HEXD: variants seen among roughly 807,000 people sequenced by gnomAD.
The protein encoded by HEXD is N-acetyl-beta-galactosaminidase.
HEXD carries 47 observed loss-of-function variants against 54.2 expected under a neutral mutation model. The observed-to-expected ratio is 0.87, with a 90% confidence interval of 0.69 to 1.11. The LOEUF (loss-of-function observed/expected upper bound fraction) is 1.11. HEXD is among the 50% of genes least tolerant of loss of function. HEXD has a pLI of 0.00. For synonymous variants in HEXD, 293 were observed against 287.6 expected (o/e 1.02, Z -0.19); for missense variants, 576 against 649.2 (o/e 0.89, Z 1.23).
chr17:82,437,466 G>T, intron 8 of HEXD, 103 bp downstream of exon 8: 1 of 1,061,880 alleles, frequency 9.4e-7, no homozygotes, highest in Non-Finnish European at 1.3e-6. Context: ...GTTGGTCAAA[G>T]GGGAAGCAGC....
chr17:82,439,377 C>A, intron 8 of HEXD: 2 of 953,012 alleles, frequency 2.1e-6, no homozygotes, highest in South Asian at 9.7e-5. Flanking sequence ...TCCCATGGCT[C>A]CGGAGAGCAT....
intron 9 of HEXD, chr17:82,440,210 G>T (rs1473364934): frequency 7.8e-7 from 1 of 1,289,586 alleles, no homozygotes; most frequent in Non-Finnish European, 1.0e-6. Flanking sequence ...AGCTGTGTGT[G>T]TGGAAACTCG....
Position 82,420,081 on chromosome 17 carries a change from G to GA in HEXD, c.84+198_84+199insA. The GA allele has an allele frequency of 9.4e-5, 34 of 361,956 alleles. No individual in the cohort carries two copies. The Middle Eastern group carries it at 3.1e-3, about 33-fold the overall frequency. The allele number at this position is 361,956 out of a possible 1,614,324, so 22.4% of individuals were successfully genotyped here. On this transcript the variant is annotated intron_variant, in intron 2 of 12. Transcript: ENST00000327949. The stretch of plus-strand genomic sequence containing the variant: ...AAACAGAACAACCAGGATGACAAAA[G>GA]GGAAAAAAAAAAAAGACAGAGAACA...
Position 82,442,008 on chromosome 17 carries a change from T to A in HEXD, c.1253+119T>A. Reference sequence around the variant, plus strand: ...GAGCCCCTAGTTGTAAAAGGCCCTCTGGTCTCAGATGTGCAGCTGTCACCG... The same window carrying A: ...GAGCCCCTAGTTGTAAAAGGCCCTCAGGTCTCAGATGTGCAGCTGTCACCG... On this transcript the variant is annotated intron_variant, in intron 12 of 12. Transcript: ENST00000327949. This position sits in a 1 kb window ranked among gnomAD's most constrained non-coding sequence, Gnocchi z 6.8. 1 of 1,291,748 alleles carries A rather than the reference T, an allele frequency of 7.7e-7. No homozygotes were observed. The highest frequency in any genetic ancestry group is 1.1e-6 in the Non-Finnish European group (1 of 910,018). The allele number at this position is 1,291,748 out of a possible 1,614,324, so 80.0% of individuals were successfully genotyped here. A position where few individuals can be genotyped will look rare whatever the true frequency, so the allele number is the denominator to read the frequency against.
Position 82,442,430 on chromosome 17 carries a change from T to C in HEXD, c.*46T>C. On this transcript the variant is annotated 3_prime_UTR_variant, in exon 13 of 13. Coordinates refer to ENST00000327949, the MANE Select transcript of HEXD (RefSeq NM_001330542.2). This position sits in a 1 kb window ranked among gnomAD's most constrained non-coding sequence, Gnocchi z 6.8. ...GGCTCCTGCTGGAGGCTGGGGGGGC[T>C]CTGCACTGCCAAATGGCCTGGGCAA... 1.2e-6 allele frequency: 2 copies of C among 1,610,342 alleles called. No individual in the cohort carries two copies. Among genetic ancestry groups the C allele is most frequent in the Non-Finnish European group, 1.7e-6 (2 of 1,177,882 alleles).
rs9915103 is a variant in HEXD, at chr17:82,434,924, C to T, written c.448-765C>T. ...ACTTTGGGAGGCTGAGGCAGGTGGA[C>T]CACCTGAGATCAGGAGTTCAAGATC... On this transcript the variant is annotated intron_variant, in intron 5 of 12. Coordinates refer to ENST00000327949, the MANE Select transcript of HEXD (RefSeq NM_001330542.2). This position sits in a 1 kb window ranked among gnomAD's most constrained non-coding sequence, Gnocchi z 4.5. Among the ~76,000 whole-genome samples, 67,460 of 151,566 alleles carry T rather than the reference C, an allele frequency of 0.45. 16,529 individuals are homozygous for T. Among genetic ancestry groups the T allele is most frequent in the East Asian group, 0.91 (4,683 of 5,154 alleles).
intron 3 of HEXD, among the ~76,000 whole-genome samples, chr17:82,425,138 G>GGAGAAGGCTGGAGGAGGCTA (rs1339158621): frequency 6.8e-6 from 1 of 147,368 alleles, no homozygotes; most frequent in East Asian, 2.1e-4. Context: ...AGAGAAGGCT[G>GGAGAAGGCTGGAGGAGGCTA]GAGAAGGCTG....
At chr17:82,441,416 A>C in intron 11 of HEXD, 150 bp downstream of exon 11, 1 of 805,234 alleles carries the variant, frequency 1.2e-6, no homozygotes. Flanking sequence ...GGTGAGGGGC[A>C]GGTGTGGGTG....
intron 8 of HEXD, among the ~76,000 whole-genome samples, chr17:82,438,492 C>T (rs757165965): frequency 5.9e-5 from 9 of 152,198 alleles, no homozygotes; most frequent in East Asian, 1.9e-4. Flanking sequence ...GCTGGGCCTC[C>T]GTGGCATCAC....
intron 3 of HEXD, chr17:82,427,392 T>C (rs7221438): frequency 0.63 from 95,192 of 152,120 alleles, 30,658 homozygotes; most frequent in East Asian, 0.91. Flanking sequence ...ATGAACATAA[T>C]ATGACATCTG....
At chr17:82,438,324 A>ACCTAGAAGG (rs2053832418) in intron 8 of HEXD, among the ~76,000 whole-genome samples, 1 of 152,106 alleles carries the variant, frequency 6.6e-6, no homozygotes, top group Admixed American at 6.5e-5. Flanking sequence ...AACTCTGGTG[A>ACCTAGAAGG]CCTAGAAGGC....
chr17:82,418,549 CAG>C lies in HEXD; in HGVS notation c.-242_-241del. On this transcript the variant is annotated 5_prime_UTR_variant, in exon 1 of 13. The change abolishes the stop of an existing upstream ORF in the 5' untranslated region. Transcript: ENST00000327949. Reference sequence around the variant, plus strand: ...CCAGGCCCGGGGACGAACGCCGTAACAGGGAGCGCGAGGCAGGCACGGCGCAG... The same window carrying C: ...CCAGGCCCGGGGACGAACGCCGTAACGGAGCGCGAGGCAGGCACGGCGCAG... The C allele has an allele frequency of 1.1e-5, 10 of 948,904 alleles. No homozygotes were observed. In the South Asian group the frequency reaches 2.6e-4, roughly 25 times the overall value. The allele number at this position is 948,904 out of a possible 1,614,324, so 58.8% of individuals were successfully genotyped here.
rs377346854 is a variant in HEXD, at chr17:82,441,837, C to T, written c.1201C>T (p.Arg401Trp). ...CTGGTTCAGCCCCTACCACCGCCAG[C>T]GGAAGCTCATCCACCCGGTCATGGT... ...TGWFSPYHRQRKLIHPVMVQH... is the reference protein window; with the variant it reads ...TGWFSPYHRQWKLIHPVMVQH... The change falls in exon 12 of 13, where the codon CGG (arginine) becomes TGG (tryptophan). Residue 401 changes from arginine (R) to tryptophan (W), a missense_variant. By Grantham distance (101) the Arg-to-Trp change is moderately radical. Transcript: ENST00000327949. 4.2e-5 allele frequency: 68 copies of T among 1,612,998 alleles called. No homozygotes were observed. The highest frequency in any genetic ancestry group is 4.9e-5 in the Non-Finnish European group (58 of 1,179,996).
At position 82,440,900 on chromosome 17, in the gene HEXD, C is replaced by T; in HGVS notation, c.983-97C>T. ...TGGCCAGTGGCTCTCCATTGCCGCC[C>T]GCCCACTGCCCCAGTACCTAGGCCT... On this transcript the variant is annotated intron_variant, in intron 9 of 12. Transcript: ENST00000327949. 5 of 1,391,546 alleles carry T rather than the reference C, an allele frequency of 3.6e-6. No individual in the cohort carries two copies. The South Asian group carries it at 4.8e-5, about 13-fold the overall frequency. The allele number at this position is 1,391,546 out of a possible 1,614,324, so 86.2% of individuals were successfully genotyped here. A position where few individuals can be genotyped will look rare whatever the true frequency, so the allele number is the denominator to read the frequency against.
At chr17:82,436,996 C>A (rs773590869) in intron 7 of HEXD, 172 bp from the exon 8 acceptor site, 1 of 689,112 alleles carries the variant, frequency 1.5e-6, no homozygotes. Flanking sequence ...GGAGTCTCCC[C>A]GACTGGGACC....
At chr17:82,440,816 A>C (rs2053918496) in intron 9 of HEXD, among the ~76,000 whole-genome samples, 181 bp from the exon 10 acceptor site, 1 of 152,138 alleles carries the variant, frequency 6.6e-6, no homozygotes, top group Non-Finnish European at 1.5e-5. Context: ...GTTTAAAGAG[A>C]AGCAGCAGGC....
chr17:82,437,588 C>T (rs991767551), intron 8 of HEXD, among the ~76,000 whole-genome samples: 4 of 151,994 alleles, frequency 2.6e-5, no homozygotes, highest in Non-Finnish European at 5.9e-5. Context: ...CACGTGGCCC[C>T]CAGCCCCCAT....
At chr17:82,419,701 A>AG (rs1387769920) in intron 1 of HEXD, 48 bp from the exon 2 acceptor site, 1 of 699,962 alleles carries the variant, frequency 1.4e-6, no homozygotes, top group African/African-American at 1.8e-5. Context: ...AGAAAGGCAA[A>AG]GGGAGAAGCT....
At chr17:82,435,262 T>C (rs924493130) in intron 5 of HEXD, among the ~76,000 whole-genome samples, 3 of 152,184 alleles carry the variant, frequency 2.0e-5, no homozygotes, top group African/African-American at 7.2e-5. Context: ...GACCACGGTC[T>C]GCTTCCTATC....
Sources: allele counts gnomAD v4.1 joint callset (sites outside exome capture counted in the v4.1 genomes callset), GRCh38; gene constraint gnomAD v4.1.1; non-coding constraint Gnocchi (gnomAD v3.1); transcripts MANE v1.5; gene names NCBI Gene and HGNC (gene_info 2026-07-23, HGNC 2026-07-21).